SALL3: variants seen among roughly 807,000 people sequenced by gnomAD.
SALL3 encodes the protein spalt like transcription factor 3, also known as sal-like protein 3.
SALL3 carries 25 observed loss-of-function variants against 66.2 expected under a neutral mutation model. That is an observed-to-expected ratio of 0.38 (90% CI 0.28 to 0.53). The LOEUF is 0.53. Ranked by LOEUF, SALL3 falls within the 20% of genes least tolerant of loss-of-function variation. SALL3 has a pLI of 0.85. For synonymous variants in SALL3, 1,152 were observed against 899.1 expected (o/e 1.28, Z -5.03); for missense variants, 2,194 against 1,916.5 (o/e 1.14, Z -2.70).
In SALL3 at chr18:78,992,869, C is replaced by G. The variant is rs886137430; in HGVS notation, c.878C>G (p.Ser293Cys). 3.9e-5 allele frequency: 38 copies of G among 986,108 alleles called. No homozygotes were observed. The African/African-American group carries it at 6.7e-4, about 17-fold the overall frequency. 61.1% of individuals were successfully genotyped at this position (986,108 alleles called of 1,614,324 possible). ...PAAFEGAQPL[S>C]RPESGASTPG... ...GCCTTCGAGGGCGCGCAGCCGCTGTCCCGGCCCGAGTCTGGCGCCAGCACC... is the reference window on the plus strand; with the variant it reads ...GCCTTCGAGGGCGCGCAGCCGCTGTGCCGGCCCGAGTCTGGCGCCAGCACC... Residue 293 changes from serine to cysteine, a missense_variant, in exon 2 of 3, where the codon TCC becomes TGC. By Grantham distance (112) the Ser-to-Cys change is moderately radical (BLOSUM62 -1). Coordinates refer to ENST00000537592, the MANE Select transcript of SALL3 (RefSeq NM_171999.4).
intron 1 of SALL3, among the ~76,000 whole-genome samples, chr18:78,988,193 A>G (rs1004292401): frequency 6.6e-6 from 1 of 152,242 alleles, no homozygotes; most frequent in Non-Finnish European, 1.5e-5. Context: ...AATACATTTG[A>G]ATCTGACATA....
chr18:78,996,245 T>C (rs1914688739), intron 2 of SALL3, among the ~76,000 whole-genome samples: 1 of 152,204 alleles, frequency 6.6e-6, no homozygotes, highest in African/African-American at 2.4e-5. Flanking sequence ...GGCTCAGGCC[T>C]GTGCCTTGTG....
At chr18:78,980,727 G>GGCCTCGGCGCCCCCGGGGCGAGC (rs575162746) in intron 1 of SALL3, among the ~76,000 whole-genome samples, 1 of 151,666 alleles carries the variant, frequency 6.6e-6, no homozygotes, top group Admixed American at 6.6e-5. Flanking sequence ...CGCTGAGGCC[G>GGCCTCGGCGCCCCCGGGGCGAGC]GCGGCGGCGG....
chr18:78,996,979 G>A lies in SALL3; in HGVS notation c.3560G>A (p.Gly1187Asp). Residue 1187 changes from glycine to aspartate, a missense_variant, in exon 3 of 3, where the codon GGT (glycine) becomes GAT (aspartate). By Grantham distance (94) the Gly-to-Asp change is moderately conservative. Transcript: ENST00000537592. ...SVENPMALLG[G>D]DALKFSEMFQ... ...GAGAACCCCATGGCTCTCCTAGGGG[G>A]TGATGCCCTGAAGTTCTCTGAAATG... The A allele has an allele frequency of 1.2e-6, 2 of 1,614,068 alleles. No individual in the cohort carries two copies. The highest frequency in any genetic ancestry group is 1.1e-5 in the South Asian group (1 of 91,088).
chr18:78,994,269 A>G lies in SALL3; in HGVS notation c.2278A>G (p.Met760Val). ...CGTGGTCCTGCAGCAGCACATCCGC[A>G]TGCACATGGGCGGCCAGATCCCCAA... is the stretch of plus-strand genomic sequence containing the variant. ...NAVVLQQHIR[M>V]HMGGQIPNTP... Residue 760 changes from methionine (M) to valine (V), a missense_variant, in exon 2 of 3, where the codon ATG becomes GTG. Transcript: ENST00000537592. The G allele has an allele frequency of 6.2e-7, 1 of 1,613,768 alleles. No individual in the cohort carries two copies. Among genetic ancestry groups the G allele is most frequent in the Non-Finnish European group, 8.5e-7 (1 of 1,180,010 alleles).
intron 2 of SALL3, among the ~76,000 whole-genome samples, chr18:78,995,945 G>A (rs1485114428): frequency 6.6e-6 from 1 of 152,172 alleles, no homozygotes; most frequent in Non-Finnish European, 1.5e-5. Context: ...GCATTCCTTA[G>A]GGGTGAGAAT....
chr18:78,985,634 C>T (rs546313117), intron 1 of SALL3, among the ~76,000 whole-genome samples: 2 of 152,180 alleles, frequency 1.3e-5, no homozygotes, highest in Non-Finnish European at 2.9e-5. Context: ...CGCCTGATCC[C>T]GAGTGTGAGC....
In SALL3 at chr18:78,997,785, C is replaced by T. The variant is rs1914750711; in HGVS notation, c.*463C>T. 1.2e-5 allele frequency: 2 copies of T among 164,012 alleles called. No individual in the cohort carries two copies. The highest frequency in any genetic ancestry group is 1.2e-4 in the Admixed American group (2 of 16,858). The allele number at this position is 164,012 out of a possible 1,614,324, so 10.2% of individuals were successfully genotyped here. A position where few individuals can be genotyped will look rare whatever the true frequency, so the allele number is the denominator to read the frequency against. ...ATGCTGTGTATCATGACACTATCTT[C>T]GTCTGTAGTATTTATGATGTTAAGA... On this transcript the variant is annotated 3_prime_UTR_variant, in exon 3 of 3. Coordinates refer to ENST00000537592, the MANE Select transcript of SALL3 (RefSeq NM_171999.4).
At chr18:78,985,231 A>G (rs1423227560) in intron 1 of SALL3, among the ~76,000 whole-genome samples, 2 of 152,226 alleles carry the variant, frequency 1.3e-5, no homozygotes, top group African/African-American at 4.8e-5. Context: ...AAGTGTTAAC[A>G]CTGAATCTGA....
At chr18:78,995,978 C>T (rs1914681221) in intron 2 of SALL3, among the ~76,000 whole-genome samples, 1 of 152,122 alleles carries the variant, frequency 6.6e-6, no homozygotes, top group South Asian at 2.1e-4. Flanking sequence ...ACTTGGTAGG[C>T]AGGTCCAGGG....
Position 78,997,239 on chromosome 18 carries a change from T to C in SALL3, c.3820T>C (p.Leu1274=), listed in dbSNP as rs959193062. 2 of 1,613,890 alleles carry C rather than the reference T, an allele frequency of 1.2e-6. No homozygotes were observed. Among genetic ancestry groups the C allele is most frequent in the Non-Finnish European group, 1.7e-6 (2 of 1,180,046 alleles). The part of the protein sequence containing the change: ...RTGSSPPIVS[L]DKASSETAAS... ...TGGCAGTAGCCCACCCATCGTCAGC[T>C]TGGACAAAGCGAGCTCAGAAACAGC... The change falls in exon 3 of 3, where the codon TTG becomes CTG. Residue 1274 remains leucine (L), a synonymous_variant. Coordinates refer to ENST00000537592, the MANE Select transcript of SALL3 (RefSeq NM_171999.4).
Position 78,997,177 on chromosome 18 carries a change from T to C in SALL3, c.3758T>C (p.Leu1253Pro). 6.2e-7 allele frequency: 1 copy of C among 1,613,982 alleles called. No homozygotes were observed. Among genetic ancestry groups the C allele is most frequent in the Non-Finnish European group, 8.5e-7 (1 of 1,180,024 alleles). The change falls in exon 3 of 3, where the codon CTG becomes CCG. Residue 1253 changes from leucine to proline, a missense_variant. Leu to Pro is a moderately conservative substitution (Grantham distance 98). Coordinates refer to ENST00000537592, the MANE Select transcript of SALL3 (RefSeq NM_171999.4). ...CTTGGGGGCAGCGCCCTCCCCCCTCTGGGCAGCATGGCCAGTGGGATGGAC... is the reference window on the plus strand; with the variant it reads ...CTTGGGGGCAGCGCCCTCCCCCCTCCGGGCAGCATGGCCAGTGGGATGGAC... ...VSLGGSALPP[L>P]GSMASGMDKA...
chr18:78,980,822 C>T (rs1446407285), intron 1 of SALL3, among the ~76,000 whole-genome samples: 2 of 152,114 alleles, frequency 1.3e-5, no homozygotes, highest in Admixed American at 6.5e-5. Context: ...CCCGCGGCCC[C>T]TCCCGGGCCC....
chr18:78,992,323 C>G lies in SALL3; in HGVS notation c.332C>G (p.Ala111Gly). 6.8e-7 allele frequency: 1 copy of G among 1,465,056 alleles called. No homozygotes were observed. The highest frequency in any genetic ancestry group is 9.0e-7 in the Non-Finnish European group (1 of 1,116,150). 90.8% of individuals were successfully genotyped at this position (1,465,056 alleles called of 1,614,324 possible). Residue 111 changes from alanine (A) to glycine (G), a missense_variant, in exon 2 of 3, where the codon GCG (alanine) becomes GGG (glycine). Transcript: ENST00000537592. Reference sequence around the variant, plus strand: ...CCCAGCGAGCGCGCCGAAAGCGAGGCGGCCGAGGAGGCGGGTGCGGAGGGC... The same window carrying G: ...CCCAGCGAGCGCGCCGAAAGCGAGGGGGCCGAGGAGGCGGGTGCGGAGGGC... ...SSPSERAESE[A>G]AEEAGAEGAE...
intron 2 of SALL3, among the ~76,000 whole-genome samples, chr18:78,995,738 GTGTA>G (rs1333634622): frequency 6.6e-6 from 1 of 152,096 alleles, no homozygotes; most frequent in Non-Finnish European, 1.5e-5. Context: ...CTATGTGTGG[GTGTA>G]TGTAATGTAT....
chr18:78,983,502 A>G (rs753785365), intron 1 of SALL3, among the ~76,000 whole-genome samples: 3 of 152,138 alleles, frequency 2.0e-5, no homozygotes, highest in Non-Finnish European at 2.9e-5. Context: ...GTTAGCACTA[A>G]TTGCTTCAAA....
chr18:78,990,291 G>C (rs1468529772), intron 1 of SALL3, among the ~76,000 whole-genome samples: 1 of 152,160 alleles, frequency 6.6e-6, no homozygotes, highest in Non-Finnish European at 1.5e-5. Context: ...CTGGTCTTCG[G>C]CGCTGAATTT....
At position 78,993,117 on chromosome 18, in the gene SALL3, C is replaced by A; in HGVS notation, c.1126C>A (p.Pro376Thr). The A allele has an allele frequency of 6.2e-7, 1 of 1,604,758 alleles. No homozygotes were observed. The highest frequency in any genetic ancestry group is 2.2e-5 in the East Asian group (1 of 44,572). The change falls in exon 2 of 3, where the codon CCG becomes ACG. Residue 376 changes from proline to threonine, a missense_variant. By Grantham distance (38) the Pro-to-Thr change is conservative. Transcript: ENST00000537592. ...CGCCAGCGGCGTCATCTTCCCCAAC[C>A]CGCTGGTCAGCATCGCGGCCACGGC... is the stretch of plus-strand genomic sequence containing the variant. Reference protein sequence around the residue: ...TSASGVIFPNPLVSIAATANA... With the variant: ...TSASGVIFPNTLVSIAATANA...
Position 78,994,805 on chromosome 18 carries a change from G to A in SALL3, c.2814G>A (p.Pro938=), listed in dbSNP as rs746415377. 4 of 1,596,224 alleles carry A rather than the reference G, an allele frequency of 2.5e-6. No homozygotes were observed. Among genetic ancestry groups the A allele is most frequent in the South Asian group, 2.2e-5 (2 of 89,880 alleles). The change falls in exon 2 of 3, where the codon CCG becomes CCA. Residue 938 remains proline, a synonymous_variant. Transcript: ENST00000537592. ...AAATCCCGCTCAAGACCGAGAGGCC[G>A]GACAGCCCAGCCGCCGCCCCGGGCA... ...PQEIPLKTER[P]DSPAAAPGSG...
Sources: gnomAD v4.1 joint callset for allele counts (sites outside exome capture counted in the v4.1 genomes callset) on GRCh38, gnomAD v4.1.1 for gene constraint, MANE v1.5 for transcripts, NCBI Gene and HGNC (gene_info 2026-07-23, HGNC 2026-07-21) for gene names.